The following MAD1L1 variants were observed in gnomAD, a reference collection of about 807,000 sequenced individuals.
MAD1L1 encodes mitotic spindle assembly checkpoint protein MAD1.
A neutral mutation model predicts 96.9 loss-of-function variants in MAD1L1; 95 were observed. The observed-to-expected ratio is 0.98, with a 90% CI of 0.83 to 1.16. MAD1L1 has a LOEUF of 1.16. MAD1L1 is among the 50% of genes most tolerant of loss of function. MAD1L1 has a pLI of 0.00. For synonymous variants in MAD1L1, 473 were observed against 396.6 expected, an observed-to-expected ratio of 1.19 and a Z score of -2.29; for missense variants, 1,007 against 954.4, an observed-to-expected ratio of 1.06 and a Z score of -0.73.
chr7:2,000,150 A>C (rs1433260270), intron 14 of MAD1L1, among the ~76,000 whole-genome samples: 1 of 151,714 alleles, frequency 6.6e-6, no homozygotes, highest in Non-Finnish European at 1.5e-5. Context: ...CTTCACCCTC[A>C]ATCTCCCCAC....
In MAD1L1 at chr7:2,200,765, C is replaced by A. The variant is rs565638321; in HGVS notation, c.986+12447G>T. On this transcript the variant is annotated intron_variant, in intron 10 of 18. Transcript: ENST00000265854. ...CCGCCTGCTTCATGCACACGGCCCC[C>A]CTGCAGCCACTGAGCGTGCAAAGGC... 3.0e-4 allele frequency among the ~76,000 whole-genome samples: 45 copies of A among 152,358 alleles called. No individual in the cohort carries two copies. In the East Asian group the frequency reaches 7.3e-3, roughly 25 times the overall value.
chr7:2,037,181 CTTCT>C lies in MAD1L1; in HGVS notation c.1219-22543_1219-22540del, dbSNP rs200857835. ...TTCTGCCACGTGGAAATTTCGGCTC[CTTCT>C]TTGTCTTCTTAATAGACTCTTCTTT... On this transcript the variant is annotated intron_variant, in intron 12 of 18. Transcript: ENST00000265854. Among the ~76,000 whole-genome samples the C allele has an allele frequency of 5.4e-3, 814 of 151,904 alleles. 8 individuals carry two copies. Among genetic ancestry groups the C allele is most frequent in the African/African-American group, 0.018 (748 of 41,420 alleles).
chr7:1,902,857 G>A (rs1190295708), intron 17 of MAD1L1, among the ~76,000 whole-genome samples: 1 of 149,792 alleles, frequency 6.7e-6, no homozygotes, highest in Non-Finnish European at 1.5e-5. Flanking sequence ...AGACGCTCTT[G>A]CGGAACTCAT....
intron 16 of MAD1L1, among the ~76,000 whole-genome samples, chr7:1,950,068 G>T (rs567434144): frequency 7.1e-6 from 1 of 140,888 alleles, no homozygotes; most frequent in African/African-American, 2.6e-5. Flanking sequence ...GGGGACAGCA[G>T]AGACTACTAG....
chr7:1,968,147 T>G lies in MAD1L1; in HGVS notation c.1506-10428A>C, dbSNP rs1410941955. On this transcript the variant is annotated intron_variant, in intron 15 of 18. Coordinates refer to ENST00000265854, the MANE Select transcript of MAD1L1 (RefSeq NM_001013836.2). This position sits in a 1 kb window ranked among gnomAD's most constrained non-coding sequence, Gnocchi z 5.6. The stretch of plus-strand genomic sequence containing the variant: ...AGGGATTCGCTTCCAAGGAAGAGAC[T>G]GGAGAAAGTGCAAACAGCTTCGCGG... Among the ~76,000 whole-genome samples, 1 of 152,212 alleles carries G rather than the reference T, an allele frequency of 6.6e-6. No individual in the cohort carries two copies. Among genetic ancestry groups the G allele is most frequent in the Non-Finnish European group, 1.5e-5 (1 of 68,028 alleles).
At chr7:2,145,661 C>T (rs1040565664) in intron 11 of MAD1L1, among the ~76,000 whole-genome samples, 3 of 152,142 alleles carry the variant, frequency 2.0e-5, no homozygotes, top group African/African-American at 7.2e-5. Flanking sequence ...CTGCTCACTG[C>T]GGGATGATCT....
At chr7:1,914,916 T>C (rs1381684382) in intron 17 of MAD1L1, among the ~76,000 whole-genome samples, 1 of 152,258 alleles carries the variant, frequency 6.6e-6, no homozygotes, top group South Asian at 2.1e-4. Context: ...CCGGCCCTGC[T>C]GTGTTGAGTA....
At chr7:2,094,772 G>A (rs1233652100) in intron 11 of MAD1L1, among the ~76,000 whole-genome samples, 5 of 152,126 alleles carry the variant, frequency 3.3e-5, no homozygotes, top group Admixed American at 6.5e-5. Flanking sequence ...TCCAACCAAC[G>A]AAACCACATG....
chr7:1,919,327 C>T (rs1788628184), intron 17 of MAD1L1, among the ~76,000 whole-genome samples: 1 of 152,270 alleles, frequency 6.6e-6, no homozygotes, highest in African/African-American at 2.4e-5. Context: ...CTCAGATGGA[C>T]ACACGGTGTG....
chr7:1,931,633 G>C (rs1018983346), intron 17 of MAD1L1, among the ~76,000 whole-genome samples: 6 of 152,152 alleles, frequency 3.9e-5, no homozygotes, highest in Admixed American at 2.0e-4. Flanking sequence ...CGAGGCTTCA[G>C]CTCTCCCTCC....
At chr7:1,871,951 C>A (rs1785135083) in intron 18 of MAD1L1, among the ~76,000 whole-genome samples, 1 of 152,170 alleles carries the variant, frequency 6.6e-6, no homozygotes, top group South Asian at 2.1e-4. Context: ...TCAGAGCCCA[C>A]AGGACAGAGA....
At chr7:1,841,125 G>A (rs1368045926) in intron 18 of MAD1L1, among the ~76,000 whole-genome samples, 1 of 152,228 alleles carries the variant, frequency 6.6e-6, no homozygotes, top group South Asian at 2.1e-4. Flanking sequence ...TGTTGGGCCT[G>A]AGCACGTCCC....
intron 14 of MAD1L1, among the ~76,000 whole-genome samples, chr7:1,995,538 C>T (rs527544165): frequency 7.9e-5 from 12 of 152,094 alleles, no homozygotes; most frequent in Non-Finnish European, 1.6e-4. Context: ...GAAGGGCGGG[C>T]GCAGGAGCCC....
At chr7:1,938,744 A>G (rs62442918) in intron 16 of MAD1L1, among the ~76,000 whole-genome samples, 14,233 of 53,282 alleles carry the variant, frequency 0.27, 668 homozygotes, top group African/African-American at 0.33. Context: ...AGAGGCGCGC[A>G]CGCACACACA....
intron 11 of MAD1L1, among the ~76,000 whole-genome samples, chr7:2,145,856 G>A (rs575518528): frequency 1.8e-4 from 28 of 152,338 alleles, no homozygotes; most frequent in South Asian, 6.2e-4. Context: ...CAGGAACTCC[G>A]CAGAGGAGCC....
intron 18 of MAD1L1, among the ~76,000 whole-genome samples, chr7:1,868,196 A>G (rs1212702506): frequency 6.6e-6 from 1 of 152,154 alleles, no homozygotes; most frequent in Non-Finnish European, 1.5e-5. Flanking sequence ...GGGGTGGACA[A>G]TTTGGCCAAG....
At chr7:2,033,311 G>T (rs759837981) in intron 12 of MAD1L1, among the ~76,000 whole-genome samples, 5 of 152,194 alleles carry the variant, frequency 3.3e-5, no homozygotes, top group African/African-American at 4.8e-5. Flanking sequence ...GGTCACCCCT[G>T]CCCTCGCCTG....
intron 15 of MAD1L1, among the ~76,000 whole-genome samples, chr7:1,965,150 G>A (rs935288777): frequency 3.9e-5 from 6 of 152,260 alleles, no homozygotes; most frequent in Non-Finnish European, 8.8e-5. Context: ...AACAACGGGT[G>A]TGGGAACCCC....
In MAD1L1 at chr7:1,935,185, G is replaced by A. The variant is rs562155209; in HGVS notation, c.1807+1502C>T. Among the ~76,000 whole-genome samples the A allele has an allele frequency of 3.3e-5, 5 of 152,384 alleles. No individual in the cohort carries two copies. The South Asian group carries it at 1.0e-3, about 32-fold the overall frequency. ...GAGCCACCTAAAAATATGGCTCCAA[G>A]TCTGCATCCTCAGCTCCGAAACTTG... On this transcript the variant is annotated intron_variant, in intron 17 of 18. Transcript: ENST00000265854.
Sources: gnomAD v4.1 joint callset for allele counts (sites outside exome capture counted in the v4.1 genomes callset) on GRCh38, gnomAD v4.1.1 for gene constraint, Gnocchi (gnomAD v3.1) non-coding constraint, MANE v1.5 for transcripts, NCBI Gene and HGNC (gene_info 2026-07-23, HGNC 2026-07-21) for gene names.